The following ATXN2 variants were observed in gnomAD, a reference collection of about 807,000 sequenced individuals.
The protein encoded by ATXN2 is ataxin 2.
ATXN2 carries 37 observed loss-of-function variants against 138.6 expected under a neutral mutation model. The ratio of observed to expected loss-of-function variants is 0.27; its 90% CI spans 0.21 to 0.35. The LOEUF is 0.35. ATXN2 is among the 10% of genes least tolerant of loss of function. The pLI is 1.00. For synonymous variants in ATXN2, 549 were observed against 543.7 expected, an observed-to-expected ratio of 1.01 and a Z score of -0.13; for missense variants, 1,216 against 1,480.3, an observed-to-expected ratio of 0.82 and a Z score of 2.93.
At chr12:111,507,932 G>GTGCTTTGTTAAACAGA (rs2135726355) in intron 14 of ATXN2, among the ~76,000 whole-genome samples, 1 of 152,300 alleles carries the variant, frequency 6.6e-6, no homozygotes, top group South Asian at 2.1e-4. Flanking sequence ...GGTGCAAGAT[G>GTGCTTTGTTAAACAGA]TGCTTTGTTA....
intron 10 of ATXN2, among the ~76,000 whole-genome samples, 184 bp downstream of exon 10, chr12:111,515,970 C>T (rs1387570488): frequency 6.6e-6 from 1 of 152,168 alleles, no homozygotes; most frequent in African/African-American, 2.4e-5. Flanking sequence ...TTTATAGCTT[C>T]ACACATTTAT....
At chr12:111,547,430 A>G (rs1169794153) in intron 5 of ATXN2, among the ~76,000 whole-genome samples, 2 of 148,456 alleles carry the variant, frequency 1.3e-5, no homozygotes, top group Non-Finnish European at 3.0e-5. Context: ...CCGCCTCAAA[A>G]TAAAGGTTTC....
intron 17 of ATXN2, among the ~76,000 whole-genome samples, 174 bp downstream of exon 17, chr12:111,485,539 A>T (rs1202990534): frequency 2.0e-5 from 3 of 152,202 alleles, no homozygotes; most frequent in African/African-American, 7.2e-5. Flanking sequence ...CACAGAAAAC[A>T]TTCTCAGATT....
chr12:111,477,681 C>T (rs1876918880), intron 18 of ATXN2, among the ~76,000 whole-genome samples: 1 of 151,946 alleles, frequency 6.6e-6, no homozygotes, highest in South Asian at 2.1e-4. Context: ...GGACTTGTAA[C>T]CAGAATATAT....
At position 111,455,986 on chromosome 12, in the gene ATXN2, T is replaced by C. The variant is rs751699460; in HGVS notation, c.3270+43A>G. 95 of 1,570,370 alleles carry C rather than the reference T, an allele frequency of 6.0e-5. 1 individual carries two copies. The South Asian group carries it at 8.3e-4, about 14-fold the overall frequency. ...TAGCTGCTTACTGATAACCTTCACA[T>C]TCTACTTGGCCTTCACAGAAAGTTG... is the stretch of plus-strand genomic sequence containing the variant. On this transcript the variant is annotated intron_variant, in intron 23 of 24. Transcript: ENST00000673436.
intron 1 of ATXN2, among the ~76,000 whole-genome samples, chr12:111,557,330 T>C (rs1467979299): frequency 1.3e-5 from 2 of 152,200 alleles, no homozygotes; most frequent in African/African-American, 2.4e-5. Flanking sequence ...TCCAACTCTG[T>C]CACTTTTCCT....
chr12:111,488,079 G>A (rs1299874511), intron 15 of ATXN2, among the ~76,000 whole-genome samples: 1 of 152,120 alleles, frequency 6.6e-6, no homozygotes, highest in African/African-American at 2.4e-5. Flanking sequence ...TGAATTCCAA[G>A]TAGAAGCACC....
chr12:111,455,371 G>A (rs2135645954), intron 23 of ATXN2: 1 of 471,394 alleles, frequency 2.1e-6, no homozygotes, highest in South Asian at 2.3e-5. Flanking sequence ...GAGATGGCAA[G>A]CACACCTTTC....
At chr12:111,587,014 A>G (rs1399846455) in intron 1 of ATXN2, among the ~76,000 whole-genome samples, 7 of 148,900 alleles carry the variant, frequency 4.7e-5, no homozygotes, top group African/African-American at 1.7e-4. Context: ...GCAGGAGGAC[A>G]GTTTAAGCCC....
rs1226888578 is a variant in ATXN2 at position 111,599,067 on chromosome 12, G to A, written c.-33C>T. 4.2e-6 allele frequency: 6 copies of A among 1,432,506 alleles called. No homozygotes were observed. The highest frequency in any genetic ancestry group is 5.5e-6 in the Non-Finnish European group (6 of 1,092,520). 88.7% of individuals were successfully genotyped at this position (1,432,506 alleles called of 1,614,324 possible). On this transcript the variant is annotated 5_prime_UTR_variant, in exon 1 of 25. Coordinates refer to ENST00000673436, the MANE Select transcript of ATXN2 (RefSeq NM_001372574.1). Reference sequence around the variant, plus strand: ...GGCCCATACACCGGCTCGCACGCCGGGCGGGGACAGCCGGGAGCCGGGCGC... The same window carrying A: ...GGCCCATACACCGGCTCGCACGCCGAGCGGGGACAGCCGGGAGCCGGGCGC...
Position 111,598,844 on chromosome 12 carries a change from G to A in ATXN2, c.191C>T (p.Ala64Val). 1 of 1,472,768 alleles carries A rather than the reference G, an allele frequency of 6.8e-7. No individual in the cohort carries two copies. Among genetic ancestry groups the A allele is most frequent in the Middle Eastern group, 2.4e-4 (1 of 4,168 alleles). 91.2% of individuals were successfully genotyped at this position (1,472,768 alleles called of 1,614,324 possible). Residue 64 changes from alanine to valine, a missense_variant, in exon 1 of 25, where the codon GCC becomes GTC. This residue lies in a region of ATXN2 where 110 missense variants were observed against 88.7 expected (regional missense o/e 1.24). Transcript: ENST00000673436. The surrounding 1 kb of genome is among the most constrained non-coding windows in gnomAD (Gnocchi z 4.5). ...CGCGACCACCGAGGAGGGAGCCGTG[G>A]CCGAGGACGAGGAGACCGAGGACGA... ...PSSSSVSSSS[A>V]TAPSSVVAAT...
At chr12:111,529,839 T>C (rs1021246934) in intron 5 of ATXN2, among the ~76,000 whole-genome samples, 1 of 152,134 alleles carries the variant, frequency 6.6e-6, no homozygotes. Context: ...TGTTAAACAT[T>C]AGAAATAAAT....
intron 1 of ATXN2, chr12:111,597,621 C>T (rs1885002740): frequency 2.4e-6 from 1 of 416,698 alleles, no homozygotes; most frequent in Admixed American, 2.8e-5. Context: ...AACCGCCCGC[C>T]ACCCCCAACA....
chr12:111,532,449 A>G (rs1880888572), intron 5 of ATXN2, among the ~76,000 whole-genome samples: 1 of 152,198 alleles, frequency 6.6e-6, no homozygotes. Flanking sequence ...CACTGCACTC[A>G]GCCTGGGAGA....
chr12:111,453,063 AAG>A lies in ATXN2; in HGVS notation c.3440-225_3440-224del, dbSNP rs1449204469. ...AAACCACTTCAGATAAAACTCCCAG[AAG>A]ACTTGTTCATGGGGTAGAAAAAAAG... On this transcript the variant is annotated intron_variant, in intron 24 of 24. Transcript: ENST00000673436. The surrounding 1 kb of genome is among the most constrained non-coding windows in gnomAD (Gnocchi z 5.4). 86 of 1,292,608 alleles carry A rather than the reference AAG, an allele frequency of 6.7e-5. No homozygotes were observed. Among genetic ancestry groups the A allele is most frequent in the Non-Finnish European group, 7.6e-5 (78 of 1,022,478 alleles). The allele number at this position is 1,292,608 out of a possible 1,614,324, so 80.1% of individuals were successfully genotyped here. A position where few individuals can be genotyped will look rare whatever the true frequency, so the allele number is the denominator to read the frequency against.
chr12:111,488,818 T>C (rs749408057), intron 14 of ATXN2, 38 bp from the exon 15 acceptor site: 12 of 1,480,928 alleles, frequency 8.1e-6, no homozygotes, highest in Non-Finnish European at 1.1e-5. Context: ...ATATCTTAAA[T>C]AACTTTAGTA....
At chr12:111,509,829 T>C in intron 13 of ATXN2, 62 bp downstream of exon 13, 6 of 1,285,500 alleles carry the variant, frequency 4.7e-6, no homozygotes, top group Non-Finnish European at 6.7e-6. Context: ...TGTATGGGCA[T>C]GAAATTAGAC....
rs1317519240 is a variant in ATXN2 at position 111,516,835 on chromosome 12, G to A, written c.1166-472C>T. Among the ~76,000 whole-genome samples, 1 of 152,124 alleles carries A rather than the reference G, an allele frequency of 6.6e-6. No individual in the cohort carries two copies. ...CTATTATATCCAATTAGAAATGCTG[G>A]TTCCTTACAATTATCTATGATTTTC... On this transcript the variant is annotated intron_variant, in intron 9 of 24. Transcript: ENST00000673436. The surrounding 1 kb of genome is among the most constrained non-coding windows in gnomAD (Gnocchi z 5.0).
intron 1 of ATXN2, among the ~76,000 whole-genome samples, chr12:111,578,918 T>G (rs1883832107): frequency 6.6e-6 from 1 of 151,858 alleles, no homozygotes; most frequent in Admixed American, 6.6e-5. Flanking sequence ...GGTACATGCC[T>G]GTGGTCCCAG....
Sources: gnomAD v4.1 joint callset for allele counts (sites outside exome capture counted in the v4.1 genomes callset) on GRCh38, gnomAD v4.1.1 for gene constraint, gnomAD v4.1.1 regional missense constraint, Gnocchi (gnomAD v3.1) non-coding constraint, MANE v1.5 for transcripts, NCBI Gene and HGNC (gene_info 2026-07-23, HGNC 2026-07-21) for gene names.